The following XRCC1 variants were observed in gnomAD, a reference collection of about 807,000 sequenced individuals.
XRCC1 encodes DNA repair protein XRCC1.
In XRCC1, 52 loss-of-function variants were observed where a neutral mutation model predicts 83.3. That is an observed-to-expected ratio of 0.62 (90% CI 0.50 to 0.79). The LOEUF is 0.79. Among genes scored for constraint, XRCC1 ranks in the 30% least tolerant of loss-of-function variants. The pLI is 0.00. For synonymous variants in XRCC1, 281 were observed against 312.6 expected (o/e 0.90, Z 1.07); for missense variants, 793 against 823.5 (o/e 0.96, Z 0.45).
At position 43,551,570 on chromosome 19, in the gene XRCC1, C is replaced by G. The variant is rs1445921258; in HGVS notation, c.1199+1G>C. ...AGCAGGGTTGGCGTGTGAGGCCTTA[C>G]CTCTGGGAGGGCAGCCGCCGACGCA... On this transcript the variant is annotated splice_donor_variant, in intron 10 of 16. Transcript: ENST00000262887. LOFTEE classifies it high-confidence loss of function. The G allele has an allele frequency of 6.2e-7, 1 of 1,613,586 alleles. No homozygotes were observed. The highest frequency in any genetic ancestry group is 8.5e-7 in the Non-Finnish European group (1 of 1,179,650).
chr19:43,567,879 T>C (rs1213711517), intron 2 of XRCC1, among the ~76,000 whole-genome samples: 1 of 147,152 alleles, frequency 6.8e-6, no homozygotes, highest in Non-Finnish European at 1.5e-5. Flanking sequence ...ATCTTTTCTT[T>C]TTTTTTTTTT....
At chr19:43,550,771 C>A (rs1386730711) in intron 10 of XRCC1, among the ~76,000 whole-genome samples, 1 of 152,186 alleles carries the variant, frequency 6.6e-6, no homozygotes, top group African/African-American at 2.4e-5. Context: ...ATGTTCTCTG[C>A]CTCTGTTCAG....
At chr19:43,547,377 G>C (rs996319502) in intron 10 of XRCC1, among the ~76,000 whole-genome samples, 3 of 151,398 alleles carry the variant, frequency 2.0e-5, no homozygotes, top group African/African-American at 7.3e-5. Context: ...GTAGAGACAC[G>C]GTTTCACCAT....
At chr19:43,568,260 G>A (rs1972773204) in intron 2 of XRCC1, among the ~76,000 whole-genome samples, 1 of 151,968 alleles carries the variant, frequency 6.6e-6, no homozygotes, top group South Asian at 2.1e-4. Flanking sequence ...ACTTTGGGAG[G>A]CCAAGGCAGG....
chr19:43,562,229 C>T (rs1260691624), intron 2 of XRCC1, among the ~76,000 whole-genome samples: 1 of 151,590 alleles, frequency 6.6e-6, no homozygotes, highest in African/African-American at 2.4e-5. Context: ...ATGCTCCAAT[C>T]TGCTCTGTTG....
At chr19:43,574,874 A>T in intron 2 of XRCC1, 36 bp downstream of exon 2, 1 of 1,561,462 alleles carries the variant, frequency 6.4e-7, no homozygotes, top group Non-Finnish European at 8.8e-7. Flanking sequence ...CGGACTCCAG[A>T]CTCCTAGTGA....
chr19:43,554,370 TC>T (rs1972613532), intron 4 of XRCC1, among the ~76,000 whole-genome samples: 1 of 152,186 alleles, frequency 6.6e-6, no homozygotes, highest in South Asian at 2.1e-4. Context: ...CTAGGCCCAC[TC>T]TACTAGGCCA....
chr19:43,546,891 G>A lies in XRCC1; in HGVS notation c.1286C>T (p.Pro429Leu), dbSNP rs199761694. 344 of 1,613,794 alleles carry A rather than the reference G, an allele frequency of 2.1e-4. 1 individual carries two copies. The highest frequency in any genetic ancestry group is 2.7e-4 in the Non-Finnish European group (323 of 1,180,000). ...GGSGDEAPKLPQKQPQTKTKP... is the reference protein window; with the variant it reads ...GGSGDEAPKLLQKQPQTKTKP... The stretch of plus-strand genomic sequence containing the variant: ...GGACAGGGGGCATCAGACCTTCTGA[G>A]GAAGCTTGGGGGCTTCATCTCCGCT... The change falls in exon 11 of 17, where the codon CCT (proline) becomes CTT (leucine). Residue 429 changes from proline to leucine, a missense_variant. Physicochemically the swap from Pro to Leu is moderately conservative, Grantham distance 98. Transcript: ENST00000262887.
chr19:43,553,163 C>T (rs1972600023), intron 6 of XRCC1, 72 bp from the exon 7 acceptor site: 1 of 1,462,832 alleles, frequency 6.8e-7, no homozygotes, highest in Admixed American at 2.0e-5. Flanking sequence ...ATCTATGGGA[C>T]ACAGAATATT....
Position 43,546,807 on chromosome 19 carries a change from G to T in XRCC1, c.1293+77C>A, listed in dbSNP as rs757945926. ...GGGGGTACCTGCAAGAGGCAAGAGT[G>T]GGAAGTTTGGGGTGCCACAGCGGAC... is the stretch of plus-strand genomic sequence containing the variant. On this transcript the variant is annotated intron_variant, in intron 11 of 16. Coordinates refer to ENST00000262887, the MANE Select transcript of XRCC1 (RefSeq NM_006297.3). 5.0e-6 allele frequency: 8 copies of T among 1,597,236 alleles called. No homozygotes were observed. The African/African-American group carries it at 1.1e-4, about 21-fold the overall frequency.
intron 2 of XRCC1, among the ~76,000 whole-genome samples, chr19:43,573,530 T>G (rs1258741337): frequency 6.6e-6 from 1 of 152,158 alleles, no homozygotes; most frequent in African/African-American, 2.4e-5. Context: ...GGTTAATTTT[T>G]CCGTCACCCT....
At chr19:43,573,505 T>G (rs952991342) in intron 2 of XRCC1, among the ~76,000 whole-genome samples, 2 of 152,138 alleles carry the variant, frequency 1.3e-5, no homozygotes, top group Non-Finnish European at 2.9e-5. Context: ...GCTGAATGAC[T>G]GCCCATTCAC....
intron 10 of XRCC1, among the ~76,000 whole-genome samples, chr19:43,549,744 G>GGTCTC (rs3213377): frequency 0.074 from 11,193 of 152,060 alleles, 618 homozygotes; most frequent in East Asian, 0.29. Context: ...GTTTTGTAGG[G>GGTCTC]ATGGGGTCTC....
chr19:43,554,767 T>C lies in XRCC1; in HGVS notation c.293A>G (p.Glu98Gly). The C allele has an allele frequency of 6.2e-7, 1 of 1,613,566 alleles. No individual in the cohort carries two copies. Among genetic ancestry groups the C allele is most frequent in the Non-Finnish European group, 8.5e-7 (1 of 1,179,654 alleles). The stretch of plus-strand genomic sequence containing the variant: ...GTTGGGGTTTGAGCCACTGCGGCTC[T>C]CGGAAGGGGACATGAAAGATGAGGT... ...LVTSSFMSPS[E>G]SRSGSNPNRV... The change falls in exon 4 of 17, where the codon GAG becomes GGG. Residue 98 changes from glutamate to glycine, a missense_variant. Glu to Gly is a moderately conservative substitution (Grantham distance 98). Coordinates refer to ENST00000262887, the MANE Select transcript of XRCC1 (RefSeq NM_006297.3).
At chr19:43,573,461 C>T (rs1357784133) in intron 2 of XRCC1, among the ~76,000 whole-genome samples, 1 of 152,144 alleles carries the variant, frequency 6.6e-6, no homozygotes, top group Admixed American at 6.6e-5. Context: ...GAAATATACT[C>T]CCCCTCCAGT....
Position 43,552,781 on chromosome 19 carries a change from G to C in XRCC1, c.823+16C>G, listed in dbSNP as rs1972594523. 1.9e-6 allele frequency: 3 copies of C among 1,586,472 alleles called. No individual in the cohort carries two copies. The East Asian group carries it at 6.7e-5, about 35-fold the overall frequency. On this transcript the variant is annotated intron_variant, in intron 8 of 16. Transcript: ENST00000262887. Reference sequence around the variant, plus strand: ...AGCACAGGCCCCTGTGGAAACAAGGGATCTAGTTAGCTCACATTTAGGTCT... The same window carrying C: ...AGCACAGGCCCCTGTGGAAACAAGGCATCTAGTTAGCTCACATTTAGGTCT...
intron 10 of XRCC1, among the ~76,000 whole-genome samples, chr19:43,549,746 T>C (rs1384891951): frequency 6.6e-6 from 1 of 152,146 alleles, no homozygotes; most frequent in Non-Finnish European, 1.5e-5. Flanking sequence ...TTTGTAGGGA[T>C]GGGGTCTCAC....
chr19:43,566,395 T>C (rs971691338), intron 2 of XRCC1, among the ~76,000 whole-genome samples: 1 of 150,510 alleles, frequency 6.6e-6, no homozygotes, highest in Non-Finnish European at 1.5e-5. Context: ...TAACCAGGCA[T>C]GGTGGCAGGC....
At chr19:43,562,145 C>CAAA (rs1203247615) in intron 2 of XRCC1, among the ~76,000 whole-genome samples, 2 of 42,118 alleles carry the variant, frequency 4.7e-5, no homozygotes, top group Non-Finnish European at 1.0e-4. Flanking sequence ...GACTCTGTCA[C>CAAA]AAAAAAAAAA....
Sources: gnomAD v4.1 joint callset for allele counts (sites outside exome capture counted in the v4.1 genomes callset) on GRCh38, gnomAD v4.1.1 for gene constraint, MANE v1.5 for transcripts, NCBI Gene and HGNC (gene_info 2026-07-23, HGNC 2026-07-21) for gene names.